Variants in WWOX observed in about 807,000 individuals in gnomAD.
The protein encoded by WWOX is WW domain containing oxidoreductase.
A neutral mutation model predicts 46.2 loss-of-function variants in WWOX; 69 were observed. That is an observed-to-expected ratio of 1.49 (90% CI 1.23 to 1.82). WWOX has a LOEUF of 1.82. Among genes scored for constraint, WWOX ranks in the 40% most tolerant of loss-of-function variants. The pLI, the probability that WWOX is intolerant of heterozygous loss-of-function variation, is 0.00. For missense variants in WWOX, 919 were observed against 542.6 expected (o/e 1.69, Z -6.89); for synonymous variants, 359 against 202.6 (o/e 1.77, Z -6.56).
At chr16:78,138,538 A>G (rs1303419610) in intron 4 of WWOX, among the ~76,000 whole-genome samples, 8 of 152,236 alleles carry the variant, frequency 5.3e-5, no homozygotes, top group Non-Finnish European at 1.5e-5. Context: ...AAATTAAAGA[A>G]TAAATGTCTC....
intron 8 of WWOX, among the ~76,000 whole-genome samples, chr16:78,905,667 G>C (rs1269955933): frequency 1.3e-5 from 2 of 152,164 alleles, no homozygotes; most frequent in South Asian, 2.1e-4. Flanking sequence ...AGATGCATGA[G>C]CCACCTGGCC....
chr16:78,637,256 C>A (rs1295786644), intron 8 of WWOX, among the ~76,000 whole-genome samples: 2 of 152,048 alleles, frequency 1.3e-5, no homozygotes, highest in East Asian at 3.9e-4. Flanking sequence ...CTCCCCCCAA[C>A]CAACGACCCT....
At chr16:78,205,934 T>C (rs887477447) in intron 5 of WWOX, among the ~76,000 whole-genome samples, 1 of 146,812 alleles carries the variant, frequency 6.8e-6, no homozygotes, top group African/African-American at 2.7e-5. Flanking sequence ...TCCTTCTCTT[T>C]CTTTCTTTTG....
chr16:78,792,612 C>G (rs907312935), intron 8 of WWOX, among the ~76,000 whole-genome samples: 1 of 152,148 alleles, frequency 6.6e-6, no homozygotes, highest in Admixed American at 6.5e-5. Flanking sequence ...ATTCATTGCT[C>G]TGTCGCCCAA....
At chr16:78,299,061 T>A (rs1348348582) in intron 5 of WWOX, among the ~76,000 whole-genome samples, 1 of 152,192 alleles carries the variant, frequency 6.6e-6, no homozygotes, top group Non-Finnish European at 1.5e-5. Flanking sequence ...AGGAGATACA[T>A]GGAGAATATT....
intron 8 of WWOX, among the ~76,000 whole-genome samples, chr16:78,522,810 GCCTGTAAT>G (rs1189300534): frequency 2.6e-5 from 4 of 152,204 alleles, no homozygotes; most frequent in Non-Finnish European, 5.9e-5. Flanking sequence ...AGTGGCTCAC[GCCTGTAAT>G]CACGGCACTT....
intron 5 of WWOX, among the ~76,000 whole-genome samples, chr16:78,196,893 T>C (rs959370671): frequency 2.6e-5 from 4 of 152,238 alleles, no homozygotes; most frequent in African/African-American, 9.6e-5. Context: ...CCCCACTGAC[T>C]ACTGCCTGGT....
chr16:78,305,104 G>T (rs2080108951), intron 5 of WWOX, among the ~76,000 whole-genome samples: 1 of 152,112 alleles, frequency 6.6e-6, no homozygotes, highest in Admixed American at 6.5e-5. Flanking sequence ...TTCTGCTGCT[G>T]TGGATTCTCA....
At chr16:79,024,690 C>G (rs1457079298) in intron 8 of WWOX, among the ~76,000 whole-genome samples, 2 of 152,250 alleles carry the variant, frequency 1.3e-5, no homozygotes, top group South Asian at 2.1e-4. Flanking sequence ...CCACCTCGGC[C>G]TCCCAAAGTG....
At chr16:78,680,255 A>C (rs1208507771) in intron 8 of WWOX, among the ~76,000 whole-genome samples, 1 of 148,602 alleles carries the variant, frequency 6.7e-6, no homozygotes, top group Non-Finnish European at 1.5e-5. Flanking sequence ...CAGAAAATAC[A>C]AAAATTAGCC....
chr16:78,916,064 C>A (rs906116473), intron 8 of WWOX, among the ~76,000 whole-genome samples: 1 of 152,130 alleles, frequency 6.6e-6, no homozygotes, highest in Admixed American at 6.5e-5. Context: ...TGTGCAGACA[C>A]GATGCTATCA....
At position 79,079,202 on chromosome 16, in the gene WWOX, T is replaced by C. The variant is rs73572950; in HGVS notation, c.1057-132406T>C. On this transcript the variant is annotated intron_variant, in intron 8 of 8. Coordinates refer to ENST00000566780, the MANE Select transcript of WWOX (RefSeq NM_016373.4). ...ATCTTCTGTCACCACCACCTTTATT[T>C]TTAGCATCCGCGGTCTTAGCAACAG... Among the ~76,000 whole-genome samples the C allele has an allele frequency of 3.5e-3, 529 of 152,330 alleles. 3 individuals carry two copies. Among genetic ancestry groups the C allele is most frequent in the African/African-American group, 0.012 (485 of 41,586 alleles).
intron 8 of WWOX, among the ~76,000 whole-genome samples, chr16:79,013,067 T>G (rs1314708409): frequency 6.6e-6 from 1 of 152,094 alleles, no homozygotes. Context: ...AGACTCCGTT[T>G]CACAAAAAAA....
In WWOX at chr16:78,734,982, C is replaced by T. The variant is rs944371469; in HGVS notation, c.1056+302230C>T. 4.0e-5 allele frequency among the ~76,000 whole-genome samples: 6 copies of T among 149,460 alleles called. No homozygotes were observed. The East Asian group carries it at 1.2e-3, about 30-fold the overall frequency. On this transcript the variant is annotated intron_variant, in intron 8 of 8. Coordinates refer to ENST00000566780, the MANE Select transcript of WWOX (RefSeq NM_016373.4). ...CCAGGTTCAAGCGATTCTCCTGCCT[C>T]AGCCTTCCCGAGTAGCTGGGATTAC...
intron 8 of WWOX, among the ~76,000 whole-genome samples, chr16:78,599,659 C>A (rs574462276): frequency 6.6e-6 from 1 of 152,178 alleles, no homozygotes; most frequent in Non-Finnish European, 1.5e-5. Context: ...AGTCTCAGAG[C>A]GGCCCCTGAA....
intron 8 of WWOX, among the ~76,000 whole-genome samples, chr16:78,782,176 C>T (rs2050344174): frequency 6.6e-6 from 1 of 152,190 alleles, no homozygotes. Flanking sequence ...CCATCACCTT[C>T]ACCCTGTCCT....
chr16:79,150,213 A>T (rs2050252568), intron 8 of WWOX, among the ~76,000 whole-genome samples: 1 of 152,168 alleles, frequency 6.6e-6, no homozygotes, highest in East Asian at 1.9e-4. Flanking sequence ...CCTTTCCCAA[A>T]CCATAGATTC....
intron 8 of WWOX, among the ~76,000 whole-genome samples, chr16:78,687,606 A>G (rs906744942): frequency 6.6e-6 from 1 of 152,004 alleles, no homozygotes; most frequent in African/African-American, 2.4e-5. Context: ...CAATAAACAT[A>G]TTTTCTAAGA....
intron 8 of WWOX, among the ~76,000 whole-genome samples, chr16:78,823,072 G>C (rs543186856): frequency 6.6e-6 from 1 of 152,318 alleles, no homozygotes; most frequent in Admixed American, 6.5e-5. Context: ...TTTGAAGTTT[G>C]AATACACTTT....
Sources: gnomAD v4.1 joint callset for allele counts (sites outside exome capture counted in the v4.1 genomes callset) on GRCh38, gnomAD v4.1.1 for gene constraint, MANE v1.5 for transcripts, NCBI Gene and HGNC (gene_info 2026-07-23, HGNC 2026-07-21) for gene names.